PARP15: variants seen among roughly 807,000 people sequenced by gnomAD.
The protein encoded by PARP15 is protein mono-ADP-ribosyltransferase PARP15.
PARP15 carries 50 observed loss-of-function variants against 62.1 expected under a neutral mutation model. The ratio of observed to expected loss-of-function variants is 0.81; its 90% CI spans 0.64 to 1.02. PARP15 has a LOEUF of 1.02. Among genes scored for constraint, PARP15 ranks in the 50% least tolerant of loss-of-function variants. The pLI, the probability that PARP15 is intolerant of heterozygous loss-of-function variation, is 0.00. For synonymous variants in PARP15, 309 were observed against 293.1 expected (o/e 1.05, Z -0.55); for missense variants, 820 against 826.5 (o/e 0.99, Z 0.10).
At chr3:122,599,574 T>C (rs1934638762) in intron 1 of PARP15, among the ~76,000 whole-genome samples, 1 of 152,086 alleles carries the variant, frequency 6.6e-6, no homozygotes, top group Admixed American at 6.6e-5. Flanking sequence ...TTCCTTTTCT[T>C]CATTTATTTA....
chr3:122,633,801 C>A (rs1937194595), intron 10 of PARP15, among the ~76,000 whole-genome samples: 2 of 152,158 alleles, frequency 1.3e-5, no homozygotes, highest in Non-Finnish European at 2.9e-5. Context: ...GTGCAAGAAC[C>A]TCATTTCAAT....
At chr3:122,582,944 C>G in intron 1 of PARP15, among the ~76,000 whole-genome samples, 1 of 143,310 alleles carries the variant, frequency 7.0e-6, no homozygotes, top group East Asian at 2.0e-4. Flanking sequence ...TGTTTTTTTT[C>G]TTTTTTACCT....
chr3:122,607,062 G>A (rs1013119699), intron 2 of PARP15, among the ~76,000 whole-genome samples: 1 of 152,166 alleles, frequency 6.6e-6, no homozygotes, highest in African/African-American at 2.4e-5. Context: ...CAAATCAGCA[G>A]GTTGAGAAGT....
chr3:122,635,417 G>A (rs1009211370), intron 11 of PARP15, among the ~76,000 whole-genome samples: 1 of 151,616 alleles, frequency 6.6e-6, no homozygotes, highest in Non-Finnish European at 1.5e-5. Context: ...TTTTTTAATG[G>A]GCTTTTTTTT....
chr3:122,592,447 G>A (rs1933999936), intron 1 of PARP15, among the ~76,000 whole-genome samples: 1 of 152,058 alleles, frequency 6.6e-6, no homozygotes, highest in Admixed American at 6.5e-5. Flanking sequence ...CTGGGAGTGA[G>A]GTGGGGGAAG....
chr3:122,617,475 A>C (rs1221996957), intron 6 of PARP15, among the ~76,000 whole-genome samples: 1 of 152,160 alleles, frequency 6.6e-6, no homozygotes, highest in Non-Finnish European at 1.5e-5. Flanking sequence ...TCAGCTCTCA[A>C]CTGTTGAATT....
At chr3:122,628,404 G>A (rs1169927032) in intron 9 of PARP15, among the ~76,000 whole-genome samples, 1 of 152,130 alleles carries the variant, frequency 6.6e-6, no homozygotes, top group African/African-American at 2.4e-5. Flanking sequence ...TTTACCAGAA[G>A]AGGAGAAAAG....
intron 9 of PARP15, among the ~76,000 whole-genome samples, chr3:122,630,247 TCTC>T (rs923817276): frequency 2.0e-5 from 3 of 152,198 alleles, no homozygotes; most frequent in African/African-American, 4.8e-5. Flanking sequence ...CTCTGTTTTC[TCTC>T]CTCTAAATTG....
At chr3:122,634,729 G>A (rs1937252131) in intron 10 of PARP15, among the ~76,000 whole-genome samples, 2 of 152,172 alleles carry the variant, frequency 1.3e-5, no homozygotes, top group Non-Finnish European at 1.5e-5. Flanking sequence ...GGGAATATAT[G>A]TTGGTAATCA....
chr3:122,585,287 CAG>C (rs926189728), intron 1 of PARP15, among the ~76,000 whole-genome samples: 1 of 152,184 alleles, frequency 6.6e-6, no homozygotes, highest in African/African-American at 2.4e-5. Flanking sequence ...GTCAAAGCTG[CAG>C]AGAGTAGTGT....
At chr3:122,586,548 G>A (rs566663475) in intron 1 of PARP15, among the ~76,000 whole-genome samples, 74 of 152,254 alleles carry the variant, frequency 4.9e-4, no homozygotes, top group African/African-American at 1.7e-3. Flanking sequence ...CTTATTTCTA[G>A]AATTGCTATT....
At chr3:122,601,036 G>GTTTTTTTTTTGTT (rs1934748778) in intron 1 of PARP15, among the ~76,000 whole-genome samples, 1 of 73,036 alleles carries the variant, frequency 1.4e-5, no homozygotes, top group African/African-American at 8.2e-5. Context: ...GTCTTTTATG[G>GTTTTTTTTTTGTT]TTTTTTTTTT....
Position 122,612,453 on chromosome 3 carries a change from C to T in PARP15, c.544-588C>T, listed in dbSNP as rs146167600. Among the ~76,000 whole-genome samples, 420 of 151,220 alleles carry T rather than the reference C, an allele frequency of 2.8e-3. 1 individual carries two copies. The highest frequency in any genetic ancestry group is 9.8e-3 in the African/African-American group (402 of 41,106). Reference sequence around the variant, plus strand: ...TTTGTTTTTGTTTTTGCTTTTGAGACGGAGTCTTGCTCTGTCACCCAGGCT... The same window carrying T: ...TTTGTTTTTGTTTTTGCTTTTGAGATGGAGTCTTGCTCTGTCACCCAGGCT... On this transcript the variant is annotated intron_variant, in intron 3 of 11. Transcript: ENST00000464300.
intron 1 of PARP15, 65 bp downstream of exon 1, chr3:122,577,918 C>G: frequency 6.9e-7 from 1 of 1,444,174 alleles, no homozygotes; most frequent in Non-Finnish European, 9.1e-7. Context: ...CCCGCAAGAC[C>G]CAGCAGCCCG....
chr3:122,608,821 G>A (rs1252538021), intron 2 of PARP15, among the ~76,000 whole-genome samples: 4 of 148,948 alleles, frequency 2.7e-5, no homozygotes, highest in African/African-American at 1.0e-4. Flanking sequence ...AGGCTGGAGT[G>A]CAGTGGCGCA....
intron 9 of PARP15, among the ~76,000 whole-genome samples, chr3:122,628,159 G>A (rs1936848961): frequency 6.6e-6 from 1 of 152,186 alleles, no homozygotes; most frequent in Non-Finnish European, 1.5e-5. Flanking sequence ...GTTTCAAGAG[G>A]AAAGAGTATA....
intron 2 of PARP15, among the ~76,000 whole-genome samples, chr3:122,607,613 G>C (rs1576509647): frequency 6.6e-6 from 1 of 152,158 alleles, no homozygotes; most frequent in East Asian, 1.9e-4. Context: ...ACAACCTAAT[G>C]AAGAAATATA....
In PARP15 at chr3:122,638,404, A is replaced by G. The variant is rs1046127022; in HGVS notation, c.*2304A>G. The G allele has an allele frequency of 2.0e-5, 3 of 152,150 alleles. No individual in the cohort carries two copies. The highest frequency in any genetic ancestry group is 2.0e-4 in the Admixed American group (3 of 15,268). 9.4% of individuals were successfully genotyped at this position (152,150 alleles called of 1,614,324 possible). On this transcript the variant is annotated 3_prime_UTR_variant, in exon 12 of 12. Transcript: ENST00000464300. ...ACTTCCACAATGGTTGAACTAGTTT[A>G]CAGTCCCACCAACAGTGTAAAAGTG...
intron 10 of PARP15, among the ~76,000 whole-genome samples, chr3:122,633,104 G>T (rs2107606278): frequency 6.6e-6 from 1 of 152,232 alleles, no homozygotes; most frequent in South Asian, 2.1e-4. Flanking sequence ...CTTATAAAGT[G>T]GTACTTTGTA....
Sources: allele counts gnomAD v4.1 joint callset (sites outside exome capture counted in the v4.1 genomes callset), GRCh38; gene constraint gnomAD v4.1.1; transcripts MANE v1.5; gene names NCBI Gene and HGNC (gene_info 2026-07-23, HGNC 2026-07-21).